The following CAB39L variants were observed in gnomAD, a reference collection of about 807,000 sequenced individuals.
CAB39L encodes the protein calcium binding protein 39 like.
Under a neutral mutation model 39.1 loss-of-function variants are expected in CAB39L, and 23 were observed. That is an observed-to-expected ratio of 0.59 (90% confidence interval 0.42 to 0.83). The LOEUF (loss-of-function observed/expected upper bound fraction) is 0.83. Ranked by LOEUF, CAB39L falls within the 40% of genes least tolerant of loss-of-function variation. CAB39L has a pLI of 0.00. For missense variants in CAB39L, 366 were observed against 391.9 expected, an observed-to-expected ratio of 0.93 and a Z score of 0.56; for synonymous variants, 126 against 137.2, an observed-to-expected ratio of 0.92 and a Z score of 0.57.
At chr13:49,350,314 C>A (rs1441272485) in intron 7 of CAB39L, among the ~76,000 whole-genome samples, 2 of 152,166 alleles carry the variant, frequency 1.3e-5, no homozygotes, top group Non-Finnish European at 2.9e-5. Context: ...AGATGTAATT[C>A]TCCATCTCCC....
chr13:49,346,167 C>CA (rs899637758), intron 7 of CAB39L, among the ~76,000 whole-genome samples: 1 of 120,724 alleles, frequency 8.3e-6, no homozygotes, highest in African/African-American at 3.1e-5. Flanking sequence ...CCCTCTCTCA[C>CA]GCCCACATTT....
chr13:49,344,737 T>A (rs1391452538), intron 7 of CAB39L, among the ~76,000 whole-genome samples: 1 of 152,118 alleles, frequency 6.6e-6, no homozygotes, highest in East Asian at 1.9e-4. Context: ...TTAGCCAGGA[T>A]GGTCTCGATC....
chr13:49,315,752 G>T lies in CAB39L; in HGVS notation c.835-4759C>A, dbSNP rs193058860. On this transcript the variant is annotated intron_variant, in intron 10 of 10. Coordinates refer to ENST00000409308, the MANE Select transcript of CAB39L (RefSeq NM_001079670.3). ...ATACAAAAATTAGCCGGGCATGGTG[G>T]TGTGCGCCTGTAATCCCAGCTATTC... Among the ~76,000 whole-genome samples, 205 of 152,054 alleles carry T rather than the reference G, an allele frequency of 1.3e-3. 1 individual carries two copies. Among genetic ancestry groups the T allele is most frequent in the African/African-American group, 4.7e-3 (195 of 41,504 alleles).
chr13:49,361,048 T>C (rs1487103699), intron 5 of CAB39L, among the ~76,000 whole-genome samples: 1 of 152,166 alleles, frequency 6.6e-6, no homozygotes, highest in Non-Finnish European at 1.5e-5. Context: ...AACTAAACTA[T>C]GAAAGAGCTT....
chr13:49,388,196 G>T (rs1186304435), intron 3 of CAB39L, among the ~76,000 whole-genome samples: 1 of 152,128 alleles, frequency 6.6e-6, no homozygotes, highest in Non-Finnish European at 1.5e-5. Context: ...TAACAAACAG[G>T]TGTTACAACA....
At chr13:49,419,753 C>G (rs1480427184) in intron 3 of CAB39L, among the ~76,000 whole-genome samples, 1 of 152,166 alleles carries the variant, frequency 6.6e-6, no homozygotes, top group Non-Finnish European at 1.5e-5. Context: ...GATGGTGGAT[C>G]TAGAAAACTT....
chr13:49,409,479 T>C (rs943773326), intron 3 of CAB39L, among the ~76,000 whole-genome samples: 1 of 151,330 alleles, frequency 6.6e-6, no homozygotes, highest in African/African-American at 2.4e-5. Flanking sequence ...TTTCAACTCT[T>C]GGTAGATTGA....
intron 1 of CAB39L, among the ~76,000 whole-genome samples, chr13:49,442,787 C>CAAA (rs71078844): frequency 0.01 from 1,070 of 103,442 alleles, 17 homozygotes; most frequent in Non-Finnish European, 0.015. Context: ...GACTCCATCT[C>CAAA]AAAAAAAAAA....
At chr13:49,384,689 A>G (rs1312719374) in intron 3 of CAB39L, among the ~76,000 whole-genome samples, 2 of 152,198 alleles carry the variant, frequency 1.3e-5, no homozygotes, top group Non-Finnish European at 2.9e-5. Flanking sequence ...TCCTTTATCC[A>G]TGGGCTGCAG....
chr13:49,310,778 T>A lies in CAB39L; in HGVS notation c.*36A>T. 1 of 1,602,424 alleles carries A rather than the reference T, an allele frequency of 6.2e-7. No homozygotes were observed. Among genetic ancestry groups the A allele is most frequent in the Non-Finnish European group, 8.5e-7 (1 of 1,172,766 alleles). ...TGACACACTGTACAAACTGGACAAA[T>A]GAGACGACTGACTGTGACAGGGGCC... On this transcript the variant is annotated 3_prime_UTR_variant, in exon 11 of 11. Coordinates refer to ENST00000409308, the MANE Select transcript of CAB39L (RefSeq NM_001079670.3).
chr13:49,318,306 A>G lies in CAB39L; in HGVS notation c.835-7313T>C, dbSNP rs7358925. On this transcript the variant is annotated intron_variant, in intron 10 of 10. Coordinates refer to ENST00000409308, the MANE Select transcript of CAB39L (RefSeq NM_001079670.3). ...AACACAGCAAGACCCTGTCTCCACAAAAAATTAAAATATTAGTTGGGCATT... is the reference window on the plus strand; with the variant it reads ...AACACAGCAAGACCCTGTCTCCACAGAAAATTAAAATATTAGTTGGGCATT... Among the ~76,000 whole-genome samples, 1,015 of 150,846 alleles carry G rather than the reference A, an allele frequency of 6.7e-3. 11 individuals are homozygous for G. The highest frequency in any genetic ancestry group is 0.023 in the African/African-American group (960 of 40,950).
chr13:49,377,679 C>T (rs1956115587), intron 4 of CAB39L, among the ~76,000 whole-genome samples: 1 of 78,522 alleles, frequency 1.3e-5, no homozygotes, highest in Non-Finnish European at 2.5e-5. Flanking sequence ...CAGACGGAGT[C>T]TCGTTCACTC....
intron 10 of CAB39L, among the ~76,000 whole-genome samples, chr13:49,325,566 A>C (rs181485473): frequency 1.3e-5 from 2 of 152,282 alleles, no homozygotes; most frequent in East Asian, 3.9e-4. Flanking sequence ...AGACGGGCGG[A>C]TCACCTGAGG....
At chr13:49,429,056 A>G (rs1420291191) in intron 3 of CAB39L, among the ~76,000 whole-genome samples, 1 of 152,230 alleles carries the variant, frequency 6.6e-6, no homozygotes, top group Non-Finnish European at 1.5e-5. Flanking sequence ...TATAATATCC[A>G]GACTGTTCAT....
At chr13:49,372,382 C>T (rs768818353) in intron 5 of CAB39L, among the ~76,000 whole-genome samples, 7 of 152,114 alleles carry the variant, frequency 4.6e-5, no homozygotes, top group Non-Finnish European at 8.8e-5. Flanking sequence ...TGATGATAGC[C>T]GGATCCTCCA....
intron 10 of CAB39L, among the ~76,000 whole-genome samples, chr13:49,321,983 C>T (rs1424752999): frequency 6.6e-6 from 1 of 152,142 alleles, no homozygotes; most frequent in Non-Finnish European, 1.5e-5. Flanking sequence ...TTCTTAAAAA[C>T]AGCTTTATTA....
At chr13:49,365,833 G>A (rs1194356644) in intron 5 of CAB39L, among the ~76,000 whole-genome samples, 1 of 152,058 alleles carries the variant, frequency 6.6e-6, no homozygotes, top group African/African-American at 2.4e-5. Context: ...ATATCAAAGA[G>A]ATATCTACAC....
intron 3 of CAB39L, among the ~76,000 whole-genome samples, chr13:49,385,586 C>A (rs538647578): frequency 1.4e-3 from 207 of 152,274 alleles, no homozygotes; most frequent in African/African-American, 4.6e-3. Flanking sequence ...TAAGACTAAT[C>A]ATTTTTCCAT....
chr13:49,426,328 C>T (rs760954755), intron 3 of CAB39L, among the ~76,000 whole-genome samples: 59 of 152,250 alleles, frequency 3.9e-4, no homozygotes, highest in Non-Finnish European at 6.9e-4. Flanking sequence ...TACAGCCACA[C>T]TCTCAACTTT....
Sources: gnomAD v4.1 joint callset for allele counts (sites outside exome capture counted in the v4.1 genomes callset) on GRCh38, gnomAD v4.1.1 for gene constraint, MANE v1.5 for transcripts, NCBI Gene and HGNC (gene_info 2026-07-23, HGNC 2026-07-21) for gene names.